Variants in CHCHD3 observed in about 807,000 individuals in gnomAD.
The protein encoded by CHCHD3 is MICOS complex subunit MIC19.
In CHCHD3, 20 loss-of-function variants were observed where a neutral mutation model predicts 38.2. The ratio of observed to expected loss-of-function variants is 0.52; its 90% CI spans 0.37 to 0.76. The LOEUF (loss-of-function observed/expected upper bound fraction) is 0.76, where lower values mean the gene tolerates loss of function less well. Ranked by LOEUF, CHCHD3 falls within the 30% of genes least tolerant of loss-of-function variation. The pLI, the probability that CHCHD3 is intolerant of heterozygous loss-of-function variation, is 0.00. For synonymous variants in CHCHD3, 82 were observed against 100.0 expected (o/e 0.82, Z 1.07); for missense variants, 245 against 279.2 (o/e 0.88, Z 0.87).
chr7:132,834,453 A>T (rs1195478472), intron 6 of CHCHD3, among the ~76,000 whole-genome samples: 1 of 152,204 alleles, frequency 6.6e-6, no homozygotes, highest in African/African-American at 2.4e-5. Context: ...TTTGTGTGCA[A>T]TGGAGTTAGT....
chr7:133,046,039 G>C (rs1415279269), intron 2 of CHCHD3, among the ~76,000 whole-genome samples: 1 of 152,176 alleles, frequency 6.6e-6, no homozygotes, highest in Non-Finnish European at 1.5e-5. Flanking sequence ...CTTTATAGCA[G>C]TGCAAGAACT....
chr7:133,049,104 A>G (rs1814073960), intron 2 of CHCHD3, among the ~76,000 whole-genome samples: 2 of 152,242 alleles, frequency 1.3e-5, no homozygotes, highest in Non-Finnish European at 2.9e-5. Flanking sequence ...CACCAGATAT[A>G]TTTGATCATT....
intron 6 of CHCHD3, chr7:132,815,370 C>A: frequency 3.2e-6 from 1 of 316,828 alleles, no homozygotes. Flanking sequence ...ATTACAAATG[C>A]TAAGCAAAAT....
intron 7 of CHCHD3, among the ~76,000 whole-genome samples, chr7:132,795,613 GC>G (rs1473625824): frequency 6.6e-6 from 1 of 152,156 alleles, no homozygotes; most frequent in Non-Finnish European, 1.5e-5. Context: ...AAATTAGACT[GC>G]AGAAAGGCAT....
intron 5 of CHCHD3, among the ~76,000 whole-genome samples, chr7:132,857,270 C>T (rs1328601171): frequency 6.6e-6 from 1 of 152,096 alleles, no homozygotes; most frequent in African/African-American, 2.4e-5. Context: ...TGAACTTTAA[C>T]GTGTAAAGAC....
intron 5 of CHCHD3, among the ~76,000 whole-genome samples, chr7:132,874,586 T>C (rs1585593715): frequency 1.4e-5 from 1 of 72,614 alleles, no homozygotes; most frequent in Non-Finnish European, 3.8e-5. Flanking sequence ...AATATTCTGG[T>C]TCAGACTTTC....
At chr7:132,787,509 T>C (rs1473181559) in intron 7 of CHCHD3, among the ~76,000 whole-genome samples, 1 of 151,086 alleles carries the variant, frequency 6.6e-6, no homozygotes, top group Admixed American at 6.6e-5. Context: ...AGTGGGAGCC[T>C]GGGAAGGAGG....
chr7:132,922,522 G>T (rs1810285508), intron 4 of CHCHD3, among the ~76,000 whole-genome samples: 1 of 151,586 alleles, frequency 6.6e-6, no homozygotes, highest in South Asian at 2.1e-4. Flanking sequence ...ATTAAAAGAG[G>T]CCTCAATATT....
chr7:133,032,881 A>G (rs1247021025), intron 2 of CHCHD3, among the ~76,000 whole-genome samples: 3 of 152,164 alleles, frequency 2.0e-5, no homozygotes, highest in Non-Finnish European at 4.4e-5. Flanking sequence ...TTTTGTTTCA[A>G]AAATGATTAT....
At chr7:133,006,292 C>T (rs892549480) in intron 3 of CHCHD3, among the ~76,000 whole-genome samples, 1 of 151,892 alleles carries the variant, frequency 6.6e-6, no homozygotes, top group Admixed American at 6.6e-5. Context: ...ATGATGAAAC[C>T]CTGTCTCTAC....
chr7:133,047,059 G>A (rs927653557), intron 2 of CHCHD3, among the ~76,000 whole-genome samples: 11 of 152,064 alleles, frequency 7.2e-5, no homozygotes, highest in Admixed American at 2.0e-4. Context: ...CGGTTTCTTC[G>A]TTCACAAATG....
At chr7:132,938,099 G>A (rs1188881002) in intron 4 of CHCHD3, among the ~76,000 whole-genome samples, 1 of 152,134 alleles carries the variant, frequency 6.6e-6, no homozygotes, top group Admixed American at 6.5e-5. Context: ...TGATATTTTA[G>A]AGACCTGCCA....
intron 4 of CHCHD3, among the ~76,000 whole-genome samples, chr7:132,933,866 T>G (rs1202396507): frequency 6.6e-6 from 1 of 152,086 alleles, no homozygotes; most frequent in Admixed American, 6.6e-5. Context: ...AGTGTGCCAG[T>G]GGGATTTCTT....
intron 2 of CHCHD3, among the ~76,000 whole-genome samples, chr7:133,025,005 A>C (rs1813297354): frequency 6.6e-6 from 1 of 152,214 alleles, no homozygotes; most frequent in African/African-American, 2.4e-5. Flanking sequence ...TGGAGAAGAA[A>C]ATGACAAAAA....
intron 1 of CHCHD3, among the ~76,000 whole-genome samples, chr7:133,077,869 T>G (rs976161752): frequency 7.2e-6 from 1 of 138,216 alleles, no homozygotes; most frequent in African/African-American, 2.8e-5. Context: ...AAGCTATCAG[T>G]TGCTAAGGAT....
intron 6 of CHCHD3, among the ~76,000 whole-genome samples, chr7:132,801,264 T>C (rs900092432): frequency 5.3e-5 from 8 of 152,240 alleles, no homozygotes; most frequent in African/African-American, 1.4e-4. Context: ...TATCCTAATA[T>C]TTGTTTTCAG....
chr7:132,854,274 T>C (rs1351659297), intron 5 of CHCHD3, among the ~76,000 whole-genome samples: 2 of 151,988 alleles, frequency 1.3e-5, no homozygotes, highest in Non-Finnish European at 2.9e-5. Flanking sequence ...CCACAGAAAA[T>C]AGCTAAAGTA....
At position 133,018,036 on chromosome 7, in the gene CHCHD3, T is replaced by A. The variant is rs75141149; in HGVS notation, c.251+6510A>T. Among the ~76,000 whole-genome samples the A allele has an allele frequency of 7.5e-3, 1,145 of 152,256 alleles. 7 individuals carry two copies. The highest frequency in any genetic ancestry group is 0.025 in the East Asian group (132 of 5,182). On this transcript the variant is annotated intron_variant, in intron 3 of 7. Transcript: ENST00000262570. ...GAACTGGTTAGGTCTTTTTATCAAT[T>A]GTTAAGCAGAATCAAATGGAAAAGT...
intron 4 of CHCHD3, among the ~76,000 whole-genome samples, chr7:132,935,910 C>T (rs1007783769): frequency 2.0e-5 from 3 of 152,148 alleles, no homozygotes; most frequent in Non-Finnish European, 2.9e-5. Flanking sequence ...TGGCAGAAGG[C>T]AGAAGAGCAA....
Sources: allele counts gnomAD v4.1 joint callset (sites outside exome capture counted in the v4.1 genomes callset), GRCh38; gene constraint gnomAD v4.1.1; transcripts MANE v1.5; gene names NCBI Gene and HGNC (gene_info 2026-07-23, HGNC 2026-07-21).